Variants in AGBL4 observed in about 807,000 individuals in gnomAD.
AGBL4 encodes AGBL carboxypeptidase 4.
In AGBL4, 58 loss-of-function variants were observed where a neutral mutation model predicts 66.4. The observed-to-expected ratio is 0.87, with a 90% confidence interval of 0.71 to 1.09. The LOEUF (loss-of-function observed/expected upper bound fraction) is 1.09. Ranked by LOEUF, AGBL4 falls within the 50% of genes least tolerant of loss-of-function variation. The pLI, the probability that AGBL4 is intolerant of heterozygous loss-of-function variation, is 0.00. For missense variants in AGBL4, 579 were observed against 631.0 expected, an observed-to-expected ratio of 0.92 and a Z score of 0.88; for synonymous variants, 234 against 222.9, an observed-to-expected ratio of 1.05 and a Z score of -0.44.
At chr1:49,933,649 AG>A (rs945542882) in intron 1 of AGBL4, among the ~76,000 whole-genome samples, 32 of 152,246 alleles carry the variant, frequency 2.1e-4, no homozygotes, top group African/African-American at 4.8e-4. Context: ...ACAAAGTGTG[AG>A]GGGGGTGAAA....
chr1:49,772,381 T>G (rs781526485), intron 2 of AGBL4, among the ~76,000 whole-genome samples: 12 of 152,164 alleles, frequency 7.9e-5, no homozygotes, highest in Non-Finnish European at 1.2e-4. Context: ...CTTTAAACCT[T>G]CATTAGAGGT....
At chr1:48,929,329 G>T (rs529988402) in intron 5 of AGBL4, among the ~76,000 whole-genome samples, 1 of 152,044 alleles carries the variant, frequency 6.6e-6, no homozygotes, top group Non-Finnish European at 1.5e-5. Flanking sequence ...TGCTTCAGCC[G>T]CATTTGTATC....
chr1:49,092,421 CT>C (rs1645019094), intron 4 of AGBL4, among the ~76,000 whole-genome samples: 1 of 152,138 alleles, frequency 6.6e-6, no homozygotes, highest in Admixed American at 6.6e-5. Context: ...TCTGTTTGTC[CT>C]ACACTTGGAG....
At chr1:49,848,321 A>G (rs1487813443) in intron 2 of AGBL4, among the ~76,000 whole-genome samples, 3 of 152,040 alleles carry the variant, frequency 2.0e-5, no homozygotes, top group Non-Finnish European at 4.4e-5. Context: ...ACTACTGGGT[A>G]TCTGCTCAAA....
chr1:49,399,884 G>T (rs988606734), intron 3 of AGBL4, among the ~76,000 whole-genome samples: 5 of 151,932 alleles, frequency 3.3e-5, no homozygotes, highest in Non-Finnish European at 5.9e-5. Context: ...TGCTTTGGTT[G>T]TCTGTGCCTG....
intron 1 of AGBL4, among the ~76,000 whole-genome samples, chr1:49,979,074 T>C (rs1658831994): frequency 6.6e-6 from 1 of 152,230 alleles, no homozygotes; most frequent in East Asian, 1.9e-4. Context: ...AGGTATGCCA[T>C]GAATGCATAA....
intron 1 of AGBL4, among the ~76,000 whole-genome samples, chr1:49,859,934 A>T (rs1446954369): frequency 1.3e-5 from 2 of 152,202 alleles, no homozygotes; most frequent in African/African-American, 4.8e-5. Context: ...ATATCTCTAT[A>T]TAATTAGCAA....
chr1:49,034,186 G>A (rs79554570), intron 5 of AGBL4, among the ~76,000 whole-genome samples: 1,854 of 152,102 alleles, frequency 0.012, 37 homozygotes, highest in African/African-American at 0.043. Flanking sequence ...AATGTTGTAC[G>A]TGATCCTTAT....
rs561597340 is a variant in AGBL4 at position 49,181,176 on chromosome 1, T to A, written c.377+64594A>T. Among the ~76,000 whole-genome samples, 241 of 151,188 alleles carry A rather than the reference T, an allele frequency of 1.6e-3. 4 individuals are homozygous for A. Among genetic ancestry groups the A allele is most frequent in the African/African-American group, 5.7e-3 (234 of 41,124 alleles). ...CCTCAAAATGCACTTTCTGCTCCTGTAAGGCCACGATCCACACCACCTCCA... is the reference window on the plus strand; with the variant it reads ...CCTCAAAATGCACTTTCTGCTCCTGAAAGGCCACGATCCACACCACCTCCA... On this transcript the variant is annotated intron_variant, in intron 4 of 13. Coordinates refer to ENST00000371839, the MANE Select transcript of AGBL4 (RefSeq NM_032785.4).
In AGBL4 at chr1:49,754,297, T is replaced by G. The variant is rs535654454; in HGVS notation, c.158-56860A>C. 4.3e-5 allele frequency among the ~76,000 whole-genome samples: 5 copies of G among 116,580 alleles called. No homozygotes were observed. The South Asian group carries it at 1.1e-3, about 26-fold the overall frequency. 76.5% of individuals were successfully genotyped at this position (116,580 alleles called of 152,430 possible). The stretch of plus-strand genomic sequence containing the variant: ...TTTTTTTATTTTTTTATTTTTAATG[T>G]TTTTTTTTTATTATTATACTCTAAG... On this transcript the variant is annotated intron_variant, in intron 2 of 13. Transcript: ENST00000371839.
At chr1:49,084,788 A>T (rs1571407730) in intron 4 of AGBL4, among the ~76,000 whole-genome samples, 2 of 152,306 alleles carry the variant, frequency 1.3e-5, no homozygotes, top group East Asian at 3.9e-4. Context: ...AAAATATGTT[A>T]AAAAACATCA....
intron 2 of AGBL4, among the ~76,000 whole-genome samples, chr1:49,768,653 A>C (rs1643963353): frequency 6.6e-6 from 1 of 152,226 alleles, no homozygotes; most frequent in African/African-American, 2.4e-5. Flanking sequence ...CCTATTCAAC[A>C]TATTACCGGA....
chr1:49,702,071 T>C (rs1647104877), intron 2 of AGBL4, among the ~76,000 whole-genome samples: 1 of 152,000 alleles, frequency 6.6e-6, no homozygotes, highest in Non-Finnish European at 1.5e-5. Context: ...AAAATAAATA[T>C]GGATATCTGA....
chr1:49,732,481 C>T (rs1191793281), intron 2 of AGBL4, among the ~76,000 whole-genome samples: 1 of 152,128 alleles, frequency 6.6e-6, no homozygotes, highest in African/African-American at 2.4e-5. Flanking sequence ...CTGTATTTAA[C>T]AGGCAAAGAC....
At position 48,533,970 on chromosome 1, in the gene AGBL4, C is replaced by T. The variant is rs1002089617; in HGVS notation, c.*203G>A. On this transcript the variant is annotated 3_prime_UTR_variant, in exon 14 of 14. Transcript: ENST00000371839. The stretch of plus-strand genomic sequence containing the variant: ...TCCGATCTCCTATTTTGTTCCTGAG[C>T]TTTTTGAGCTGAAGGCTTACAATTG... The T allele has an allele frequency of 6.3e-6, 5 of 791,574 alleles. No individual in the cohort carries two copies. In the African/African-American group the frequency reaches 8.7e-5, roughly 14 times the overall value. 49.0% of individuals were successfully genotyped at this position (791,574 alleles called of 1,614,324 possible). A position where few individuals can be genotyped will look rare whatever the true frequency, so the allele number is the denominator to read the frequency against.
intron 4 of AGBL4, among the ~76,000 whole-genome samples, chr1:49,144,908 G>A (rs1416693030): frequency 6.6e-6 from 1 of 152,074 alleles, no homozygotes; most frequent in South Asian, 2.1e-4. Flanking sequence ...GGTGGTGGTG[G>A]TAACACAATC....
At chr1:49,249,409 G>T (rs1460662372) in intron 3 of AGBL4, among the ~76,000 whole-genome samples, 1 of 151,930 alleles carries the variant, frequency 6.6e-6, no homozygotes, top group Non-Finnish European at 1.5e-5. Flanking sequence ...ATGGGAAAAA[G>T]ACCTGAATAG....
chr1:49,526,641 A>G (rs866278431), intron 3 of AGBL4, among the ~76,000 whole-genome samples: 5 of 152,156 alleles, frequency 3.3e-5, no homozygotes, highest in African/African-American at 1.2e-4. Flanking sequence ...GTATCATTAA[A>G]AAAACCTCAT....
intron 3 of AGBL4, among the ~76,000 whole-genome samples, chr1:49,427,190 A>G (rs1229099835): frequency 6.6e-6 from 1 of 152,174 alleles, no homozygotes; most frequent in Non-Finnish European, 1.5e-5. Context: ...ATATATTGCT[A>G]TTGACAACCA....
Sources: gnomAD v4.1 joint callset for allele counts (sites outside exome capture counted in the v4.1 genomes callset) on GRCh38, gnomAD v4.1.1 for gene constraint, MANE v1.5 for transcripts, NCBI Gene and HGNC (gene_info 2026-07-23, HGNC 2026-07-21) for gene names.